PP2D1: variants seen among roughly 807,000 people sequenced by gnomAD.
PP2D1 encodes protein phosphatase 2C-like domain-containing protein 1.
In PP2D1, 25 loss-of-function variants were observed where a neutral mutation model predicts 30.2. The ratio of observed to expected loss-of-function variants is 0.83; its 90% CI spans 0.60 to 1.16. PP2D1 has a LOEUF of 1.16. PP2D1 is among the 50% of genes most tolerant of loss of function. PP2D1 has a pLI of 0.00. For synonymous variants in PP2D1, 260 were observed against 258.9 expected (o/e 1.00, Z -0.04); for missense variants, 760 against 742.4 (o/e 1.02, Z -0.28).
At position 20,002,076 on chromosome 3, in the gene PP2D1, T is replaced by G. The variant is rs914619254; in HGVS notation, c.44A>C (p.Glu15Ala). 47 of 1,531,598 alleles carry G rather than the reference T, an allele frequency of 3.1e-5. No individual in the cohort carries two copies. The highest frequency in any genetic ancestry group is 3.6e-5 in the Non-Finnish European group (41 of 1,143,212). 94.9% of individuals were successfully genotyped at this position (1,531,598 alleles called of 1,614,324 possible). ...AAATGTTGATGTTTTCATATTCCAT[T>G]CTCTTGATTTCCAAAACACTCTGCA... Reference protein sequence around the residue: ...NALRVFWKSREWNMKTSTFDS... With the variant: ...NALRVFWKSRAWNMKTSTFDS... The change falls in exon 2 of 3, where the codon GAA becomes GCA. Residue 15 changes from glutamate (E) to alanine (A), a missense_variant. Transcript: ENST00000389050.
chr3:20,006,233 G>A (rs768909433), intron 1 of PP2D1, among the ~76,000 whole-genome samples: 4 of 152,166 alleles, frequency 2.6e-5, no homozygotes, highest in South Asian at 2.1e-4. Context: ...GCGACAGAGC[G>A]AGACACTGTT....
At position 19,985,720 on chromosome 3, in the gene PP2D1, T is replaced by A; in HGVS notation, c.1553A>T (p.Lys518Ile). 1 of 1,535,920 alleles carries A rather than the reference T, an allele frequency of 6.5e-7. No individual in the cohort carries two copies. Among genetic ancestry groups the A allele is most frequent in the Non-Finnish European group, 8.7e-7 (1 of 1,146,694 alleles). ...TGACACACGTACTTCAGATACAGAT[T>A]TATACTGAAACAATACGTGGATATT... The part of the protein sequence containing the change: ...QSNIHVLFQY[K>I]SVSEVRVSTT... The change falls in exon 3 of 3, where the codon AAA (lysine) becomes ATA (isoleucine). Residue 518 changes from lysine to isoleucine, a missense_variant. Coordinates refer to ENST00000389050, the MANE Select transcript of PP2D1 (RefSeq NM_001252657.2).
At chr3:19,996,092 C>T (rs1312613053) in intron 2 of PP2D1, among the ~76,000 whole-genome samples, 1 of 151,942 alleles carries the variant, frequency 6.6e-6, no homozygotes, top group Non-Finnish European at 1.5e-5. Context: ...AAATAAAGAT[C>T]AGAGCAGAAT....
At chr3:19,989,576 C>T (rs945411075) in intron 2 of PP2D1, among the ~76,000 whole-genome samples, 4 of 152,154 alleles carry the variant, frequency 2.6e-5, no homozygotes, top group African/African-American at 9.7e-5. Flanking sequence ...TTTTGCAGAA[C>T]ATAAGTCAGT....
chr3:19,999,351 C>T (rs1697222191), intron 2 of PP2D1, among the ~76,000 whole-genome samples: 1 of 151,238 alleles, frequency 6.6e-6, no homozygotes, highest in South Asian at 2.1e-4. Flanking sequence ...ATGCTGGTTA[C>T]AGGCGTCAGC....
intron 2 of PP2D1, among the ~76,000 whole-genome samples, chr3:19,994,509 G>A (rs1200640707): frequency 6.6e-6 from 1 of 152,158 alleles, no homozygotes; most frequent in Non-Finnish European, 1.5e-5. Flanking sequence ...TGTATTTGTA[G>A]TCTGAAAGCC....
chr3:19,986,614 G>A (rs1697040109), intron 2 of PP2D1, among the ~76,000 whole-genome samples: 1 of 152,220 alleles, frequency 6.6e-6, no homozygotes, highest in Middle Eastern at 3.4e-3. Flanking sequence ...TTTTTAAAAA[G>A]AATGACAGTT....
chr3:19,986,149 T>C lies in PP2D1; in HGVS notation c.1124A>G (p.Lys375Arg), dbSNP rs1029728428. The change falls in exon 3 of 3, where the codon AAA (lysine) becomes AGA (arginine). Residue 375 changes from lysine (K) to arginine (R), a missense_variant. Coordinates refer to ENST00000389050, the MANE Select transcript of PP2D1 (RefSeq NM_001252657.2). ...NVQAVLCRNG[K>R]GFCLTKEHTT... ...ATGTTCTTTGGTTAGGCAAAAACCT[T>C]TCCCATTTCTGCATAAGACTGCTTG... The C allele has an allele frequency of 6.6e-7, 1 of 1,520,386 alleles. No individual in the cohort carries two copies. The allele number at this position is 1,520,386 out of a possible 1,614,324, so 94.2% of individuals were successfully genotyped here. A position where few individuals can be genotyped will look rare whatever the true frequency, so the allele number is the denominator to read the frequency against.
intron 2 of PP2D1, among the ~76,000 whole-genome samples, chr3:19,999,577 CG>C (rs1171507268): frequency 6.8e-6 from 1 of 147,230 alleles, no homozygotes; most frequent in Non-Finnish European, 1.5e-5. Context: ...TTAGTAAAGA[CG>C]GGGTTTCACT....
chr3:19,986,039 C>G lies in PP2D1; in HGVS notation c.1234G>C (p.Gly412Arg). ...SSNEPYGLVE[G>R]QVKTTRGLGF... ...AGTCCTCGTGTAGTTTTTACTTGCC[C>G]CTCTACAAGCCCGTATGGTTCATTT... Residue 412 changes from glycine to arginine, a missense_variant, in exon 3 of 3, where the codon GGG becomes CGG. By Grantham distance (125) the Gly-to-Arg change is moderately radical (BLOSUM62 -2). Coordinates refer to ENST00000389050, the MANE Select transcript of PP2D1 (RefSeq NM_001252657.2). 1.3e-6 allele frequency: 2 copies of G among 1,536,042 alleles called. No homozygotes were observed. The highest frequency in any genetic ancestry group is 1.7e-6 in the Non-Finnish European group (2 of 1,146,864).
At chr3:19,995,695 T>C (rs919229387) in intron 2 of PP2D1, among the ~76,000 whole-genome samples, 1 of 152,200 alleles carries the variant, frequency 6.6e-6, no homozygotes, top group African/African-American at 2.4e-5. Context: ...TTAGCAGGCA[T>C]GGATATAAGT....
At chr3:19,999,024 T>G (rs1268165562) in intron 2 of PP2D1, among the ~76,000 whole-genome samples, 1 of 151,798 alleles carries the variant, frequency 6.6e-6, no homozygotes, top group Admixed American at 6.6e-5. Flanking sequence ...GGCCTGGAAA[T>G]TAAATCCAAC....
chr3:19,988,935 G>A lies in PP2D1; in HGVS notation c.1091-2753C>T, dbSNP rs767570045. 2.4e-4 allele frequency among the ~76,000 whole-genome samples: 37 copies of A among 151,968 alleles called. 1 individual carries two copies. The highest frequency in any genetic ancestry group is 4.4e-4 in the Non-Finnish European group (30 of 67,976). ...CAGGAGGTGGAGGTTGCAGTAATAC[G>A]AAGTCACGCCACTACACTCCAGCCT... On this transcript the variant is annotated intron_variant, in intron 2 of 2. Transcript: ENST00000389050.
Position 20,001,020 on chromosome 3 carries a change from A to G in PP2D1, c.1090+10T>C, listed in dbSNP as rs1697243116. 1.5e-6 allele frequency: 2 copies of G among 1,339,538 alleles called. No individual in the cohort carries two copies. The highest frequency in any genetic ancestry group is 1.9e-6 in the Non-Finnish European group (2 of 1,042,322). The allele number at this position is 1,339,538 out of a possible 1,614,324, so 83.0% of individuals were successfully genotyped here. ...TAAAGGTGTTATTTGGTGCTATTCA[A>G]TGTACATACCAGTGTTTGCAACATG... On this transcript the variant is annotated intron_variant, in intron 2 of 2. Coordinates refer to ENST00000389050, the MANE Select transcript of PP2D1 (RefSeq NM_001252657.2).
chr3:19,986,961 C>T (rs781288280), intron 2 of PP2D1, among the ~76,000 whole-genome samples: 3 of 150,868 alleles, frequency 2.0e-5, no homozygotes, highest in Non-Finnish European at 2.9e-5. Flanking sequence ...TGCTTGAACC[C>T]GGGAGGTGGA....
At chr3:20,007,885 T>G (rs1697339848) in intron 1 of PP2D1, 1 of 218,006 alleles carries the variant, frequency 4.6e-6, no homozygotes, top group African/African-American at 2.3e-5. Context: ...AATCTCCTAG[T>G]TGTAACTTCT....
At position 19,985,692 on chromosome 3, in the gene PP2D1, A is replaced by G. The variant is rs1162705634; in HGVS notation, c.1581T>C (p.Thr527=). 1 of 1,535,872 alleles carries G rather than the reference A, an allele frequency of 6.5e-7. No individual in the cohort carries two copies. Residue 527 remains threonine (T), a synonymous_variant, in exon 3 of 3, where the codon ACT becomes ACC. Coordinates refer to ENST00000389050, the MANE Select transcript of PP2D1 (RefSeq NM_001252657.2). ...YKSVSEVRVS[T]TNSKENLSDS... Reference sequence around the variant, plus strand: ...CGGATAAATTTTCTTTGGAATTTGTAGTTGACACACGTACTTCAGATACAG... The same window carrying G: ...CGGATAAATTTTCTTTGGAATTTGTGGTTGACACACGTACTTCAGATACAG...
intron 1 of PP2D1, among the ~76,000 whole-genome samples, chr3:20,003,336 C>A (rs1195038837): frequency 6.6e-6 from 1 of 150,756 alleles, no homozygotes; most frequent in Non-Finnish European, 1.5e-5. Flanking sequence ...AGATGAAAGA[C>A]AGTCACAATC....
chr3:20,007,008 T>TAC (rs71751343), intron 1 of PP2D1, among the ~76,000 whole-genome samples: 19,431 of 144,632 alleles, frequency 0.13, 1,289 homozygotes, highest in Admixed American at 0.19. Flanking sequence ...CACACACGTA[T>TAC]ACACACACAC....
Sources: allele counts gnomAD v4.1 joint callset (sites outside exome capture counted in the v4.1 genomes callset), GRCh38; gene constraint gnomAD v4.1.1; transcripts MANE v1.5; gene names NCBI Gene and HGNC (gene_info 2026-07-23, HGNC 2026-07-21).